Variants in DYTN observed in about 807,000 individuals in gnomAD.
DYTN encodes the protein dystrotelin.
In DYTN, 75 loss-of-function variants were observed where a neutral mutation model predicts 69.6. The ratio of observed to expected loss-of-function variants is 1.08; its 90% CI spans 0.89 to 1.31. The LOEUF (loss-of-function observed/expected upper bound fraction) is 1.31. Ranked by LOEUF, DYTN falls within the 50% of genes most tolerant of loss-of-function variation. The probability of loss-of-function intolerance (pLI) is 0.00; values close to 1 mark genes in which losing one functional copy is unlikely to be tolerated. For synonymous variants in DYTN, 252 were observed against 249.1 expected, an observed-to-expected ratio of 1.01 and a Z score of -0.11; for missense variants, 726 against 688.4, an observed-to-expected ratio of 1.05 and a Z score of -0.61.
chr2:206,685,626 C>T (rs1258930354), intron 9 of DYTN, among the ~76,000 whole-genome samples: 2 of 152,090 alleles, frequency 1.3e-5, no homozygotes, highest in African/African-American at 4.8e-5. Context: ...AAACAGGTCC[C>T]TCAGGTGGGT....
intron 9 of DYTN, among the ~76,000 whole-genome samples, chr2:206,680,045 T>C (rs886849244): frequency 2.0e-5 from 3 of 152,216 alleles, no homozygotes; most frequent in Non-Finnish European, 4.4e-5. Context: ...TGGTCGGTCA[T>C]ACACTGTGTT....
chr2:206,707,210 C>A, intron 3 of DYTN, 92 bp downstream of exon 3: 1 of 1,467,894 alleles, frequency 6.8e-7, no homozygotes, highest in Non-Finnish European at 9.2e-7. Context: ...TATACCAAAC[C>A]TCAAGCAAAT....
chr2:206,671,842 A>G (rs940111561), intron 9 of DYTN, among the ~76,000 whole-genome samples: 2 of 152,256 alleles, frequency 1.3e-5, no homozygotes, highest in Admixed American at 1.3e-4. Flanking sequence ...ATATCCATAG[A>G]ATAGACACTA....
At chr2:206,678,706 C>A (rs1699717877) in intron 9 of DYTN, among the ~76,000 whole-genome samples, 1 of 152,064 alleles carries the variant, frequency 6.6e-6, no homozygotes, top group African/African-American at 2.4e-5. Context: ...GTAGTCTAAG[C>A]TAATTTTAAA....
At chr2:206,664,734 C>A (rs1699551554) in intron 10 of DYTN, among the ~76,000 whole-genome samples, 1 of 152,168 alleles carries the variant, frequency 6.6e-6, no homozygotes, top group African/African-American at 2.4e-5. Flanking sequence ...TGCATCCTAC[C>A]ACTATGAGCT....
intron 5 of DYTN, among the ~76,000 whole-genome samples, 194 bp downstream of exon 5, chr2:206,704,649 T>C (rs369241884): frequency 7.7e-4 from 117 of 152,302 alleles, no homozygotes; most frequent in African/African-American, 2.5e-3. Flanking sequence ...TGAGTATAAT[T>C]CATAACCTTC....
intron 8 of DYTN, among the ~76,000 whole-genome samples, chr2:206,693,762 A>T (rs910998510): frequency 1.3e-5 from 2 of 152,222 alleles, no homozygotes; most frequent in African/African-American, 4.8e-5. Flanking sequence ...TTTCACCCCA[A>T]GTTAAGAACT....
intron 9 of DYTN, among the ~76,000 whole-genome samples, chr2:206,684,768 G>GT (rs992352629): frequency 5.9e-5 from 9 of 151,548 alleles, no homozygotes; most frequent in South Asian, 2.1e-4. Context: ...TTCTTCTTGA[G>GT]TTTTTTTTCT....
chr2:206,654,245 T>A (rs547260584), intron 11 of DYTN, among the ~76,000 whole-genome samples: 1 of 152,302 alleles, frequency 6.6e-6, no homozygotes, highest in South Asian at 2.1e-4. Context: ...GAATTTGAAC[T>A]GTGTGAGCCA....
At chr2:206,670,186 A>T (rs1699615604) in intron 9 of DYTN, among the ~76,000 whole-genome samples, 1 of 152,250 alleles carries the variant, frequency 6.6e-6, no homozygotes, top group Admixed American at 6.5e-5. Context: ...CATACATAAC[A>T]CAAGATATAC....
In DYTN at chr2:206,663,472, TCC is replaced by T. The variant is rs1312882627; in HGVS notation, c.1141-79_1141-78del. ...TCATAAATGCATTACATTTCAACAT[TCC>T]AACAGAACATTCTAATGCAAGACTT... On this transcript the variant is annotated intron_variant, in intron 10 of 11. Transcript: ENST00000452335. The T allele has an allele frequency of 5.6e-6, 8 of 1,426,522 alleles. No homozygotes were observed. In the Admixed American group the frequency reaches 2.3e-4, roughly 41 times the overall value. The allele number at this position is 1,426,522 out of a possible 1,614,324, so 88.4% of individuals were successfully genotyped here. A position where few individuals can be genotyped will look rare whatever the true frequency, so the allele number is the denominator to read the frequency against.
At chr2:206,714,942 T>C (rs1700113043) in intron 1 of DYTN, among the ~76,000 whole-genome samples, 1 of 151,998 alleles carries the variant, frequency 6.6e-6, no homozygotes. Flanking sequence ...CAGCCTAAAT[T>C]TCTTTTTTTT....
chr2:206,667,697 CGTGTGTGTGT>C (rs71410894), intron 9 of DYTN, among the ~76,000 whole-genome samples: 78 of 144,120 alleles, frequency 5.4e-4, no homozygotes, highest in Middle Eastern at 3.5e-3. Flanking sequence ...TTTGCGTGTG[CGTGTGTGTGT>C]GTGTGTGTGT....
intron 7 of DYTN, among the ~76,000 whole-genome samples, chr2:206,695,129 G>T (rs1379225103): frequency 1.3e-5 from 2 of 152,174 alleles, no homozygotes; most frequent in East Asian, 1.9e-4. Flanking sequence ...TGGTATAGAA[G>T]TCTGATTTAT....
intron 9 of DYTN, among the ~76,000 whole-genome samples, chr2:206,668,128 C>CA (rs139549585): frequency 6.6e-6 from 1 of 152,012 alleles, no homozygotes; most frequent in Admixed American, 6.6e-5. Flanking sequence ...CAGCCAACAA[C>CA]AAAAAAACAT....
In DYTN at chr2:206,651,821, C is replaced by A. The variant is rs761233921; in HGVS notation, c.1734G>T (p.Lys578Asn). 1 of 1,613,400 alleles carries A rather than the reference C, an allele frequency of 6.2e-7. No homozygotes were observed. Among genetic ancestry groups the A allele is most frequent in the African/African-American group, 1.3e-5 (1 of 74,892 alleles). Reference sequence around the variant, plus strand: ...GCCTTTGAGCCTGGACTCCATTTCACTTCAAATTGGGCAAGGCAATTTGAT... The same window carrying A: ...GCCTTTGAGCCTGGACTCCATTTCAATTCAAATTGGGCAAGGCAATTTGAT... ...LVDQIALPNLK is the reference protein window; with the variant it reads ...LVDQIALPNLN The change falls in exon 12 of 12, where the codon AAG becomes AAT. Residue 578 changes from lysine (K) to asparagine (N), a missense_variant. Physicochemically the swap from Lys to Asn is moderately conservative, Grantham distance 94 (BLOSUM62 0). Coordinates refer to ENST00000452335, the MANE Select transcript of DYTN (RefSeq NM_001093730.1).
intron 2 of DYTN, among the ~76,000 whole-genome samples, chr2:206,710,167 A>C (rs954277270): frequency 6.6e-6 from 1 of 152,246 alleles, no homozygotes; most frequent in South Asian, 2.1e-4. Context: ...TAAATCTATA[A>C]GTGCAGTTTT....
chr2:206,688,343 G>A (rs947608474), intron 9 of DYTN, among the ~76,000 whole-genome samples: 9 of 152,068 alleles, frequency 5.9e-5, no homozygotes, highest in African/African-American at 2.2e-4. Flanking sequence ...AAGGCACATC[G>A]TAGCCTTGCT....
At chr2:206,708,622 A>G (rs1700049645) in intron 2 of DYTN, among the ~76,000 whole-genome samples, 1 of 152,202 alleles carries the variant, frequency 6.6e-6, no homozygotes, top group Non-Finnish European at 1.5e-5. Flanking sequence ...GGCCGATTTC[A>G]TCTCCTGCTG....
Sources: allele counts gnomAD v4.1 joint callset (sites outside exome capture counted in the v4.1 genomes callset), GRCh38; gene constraint gnomAD v4.1.1; transcripts MANE v1.5; gene names NCBI Gene and HGNC (gene_info 2026-07-23, HGNC 2026-07-21).